Variants in ZNF469 observed in about 807,000 individuals in gnomAD.
ZNF469 encodes zinc finger protein 469.
Under a neutral mutation model 1.0 loss-of-function variants are expected in ZNF469, and 1 was observed. The observed-to-expected ratio is 1.00, with a 90% CI of 0.35 to 4.73. ZNF469 has a LOEUF of 4.73. Among genes scored for constraint, ZNF469 ranks in the 30% most tolerant of loss-of-function variants. The pLI, the probability that ZNF469 is intolerant of heterozygous loss-of-function variation, is 0.16. For synonymous variants in ZNF469, 2,703 were observed against 2,363.4 expected, an observed-to-expected ratio of 1.14 and a Z score of -4.17; for missense variants, 6,100 against 5,356.3, an observed-to-expected ratio of 1.14 and a Z score of -4.33.
chr16:88,336,423 CCAA>C, the ZNF469 span, among the ~76,000 whole-genome samples: 3 of 151,496 alleles, frequency 2.0e-5, no homozygotes, highest in Admixed American at 1.3e-4. Context: ...CACTAACATG[CCAA>C]CATCACACAC....
chr16:88,371,489 G>T, the ZNF469 span, among the ~76,000 whole-genome samples: 1 of 152,192 alleles, frequency 6.6e-6, no homozygotes, highest in Non-Finnish European at 1.5e-5. Flanking sequence ...TGTGACAGAT[G>T]GGAAAACCAA....
the ZNF469 span, among the ~76,000 whole-genome samples, chr16:88,137,646 T>C: frequency 1 from 151,889 of 152,338 alleles, 75,722 homozygotes; most frequent in Middle Eastern, 1. Flanking sequence ...CAGCTATGTA[T>C]GCATACCACC....
At chr16:88,340,760 G>A in the ZNF469 span, among the ~76,000 whole-genome samples, 13 of 142,690 alleles carry the variant, frequency 9.1e-5, 1 homozygote, top group South Asian at 3.3e-3. Context: ...GGGAGGGTGG[G>A]TCAGAGGGGA....
At chr16:88,169,312 T>C in the ZNF469 span, among the ~76,000 whole-genome samples, 1 of 152,206 alleles carries the variant, frequency 6.6e-6, no homozygotes, top group Non-Finnish European at 1.5e-5. This position sits in a 1 kb window ranked among gnomAD's most constrained non-coding sequence, Gnocchi z 6.1. Context: ...ATGTGTACAG[T>C]TGTGTGACCA....
the ZNF469 span, among the ~76,000 whole-genome samples, chr16:88,253,950 C>A: frequency 6.8e-6 from 1 of 146,006 alleles, no homozygotes; most frequent in Non-Finnish European, 1.5e-5. Flanking sequence ...ATATTTTCTC[C>A]TAGTCTGTAG....
At chr16:88,211,182 T>G in the ZNF469 span, among the ~76,000 whole-genome samples, 1 of 152,298 alleles carries the variant, frequency 6.6e-6, no homozygotes. Context: ...ATGGAGGTTT[T>G]CGACCATTAG....
chr16:88,186,046 G>C, the ZNF469 span, among the ~76,000 whole-genome samples: 1 of 152,234 alleles, frequency 6.6e-6, no homozygotes, highest in Non-Finnish European at 1.5e-5. Context: ...TTGTCCTGGG[G>C]ACGAGTCAAG....
chr16:88,135,106 G>T, the ZNF469 span, among the ~76,000 whole-genome samples: 2 of 152,254 alleles, frequency 1.3e-5, no homozygotes, highest in African/African-American at 2.4e-5. Context: ...CACCTGGGAA[G>T]AATGGGCACT....
At chr16:88,277,848 T>C in the ZNF469 span, among the ~76,000 whole-genome samples, 1 of 23,900 alleles carries the variant, frequency 4.2e-5, no homozygotes, top group African/African-American at 1.0e-4. Context: ...ATCAGTGCAG[T>C]TAGTGCTGTG....
chr16:88,378,997 A>G (rs1367280988), upstream of ZNF469, among the ~76,000 whole-genome samples: 1 of 152,174 alleles, frequency 6.6e-6, no homozygotes, highest in African/African-American at 2.4e-5. Context: ...ACGGGTGTCC[A>G]CACACCCAGG....
the ZNF469 span, among the ~76,000 whole-genome samples, chr16:88,290,593 G>A: frequency 6.6e-6 from 1 of 152,188 alleles, no homozygotes; most frequent in Non-Finnish European, 1.5e-5. Flanking sequence ...AATGTTGAGA[G>A]TCTGAACAAT....
chr16:88,256,500 A>C, the ZNF469 span, among the ~76,000 whole-genome samples: 2 of 152,270 alleles, frequency 1.3e-5, no homozygotes, highest in African/African-American at 4.8e-5. Flanking sequence ...CAGTGAATAA[A>C]GCTGCTATAA....
chr16:88,163,510 ATGG>A, the ZNF469 span, among the ~76,000 whole-genome samples: 1 of 119,676 alleles, frequency 8.4e-6, no homozygotes, highest in East Asian at 2.3e-4. Flanking sequence ...GGATGGATGG[ATGG>A]ATGGATGGAT....
At chr16:88,344,772 C>T in the ZNF469 span, among the ~76,000 whole-genome samples, 5 of 152,176 alleles carry the variant, frequency 3.3e-5, no homozygotes, top group Middle Eastern at 3.2e-3. Flanking sequence ...TGGGAGGGGC[C>T]GCTATGGGTG....
At chr16:88,120,407 G>A in the ZNF469 span, among the ~76,000 whole-genome samples, 5 of 152,392 alleles carry the variant, frequency 3.3e-5, no homozygotes, top group African/African-American at 9.6e-5. Flanking sequence ...ATGTCATCGG[G>A]CCGGCGGGAC....
chr16:88,133,518 G>C, the ZNF469 span, among the ~76,000 whole-genome samples: 1 of 152,094 alleles, frequency 6.6e-6, no homozygotes, highest in Non-Finnish European at 1.5e-5. Context: ...ATTTAATAAT[G>C]TATGTATTAA....
Position 88,433,691 on chromosome 16 carries a change from A to G in ZNF469, c.6221A>G (p.His2074Arg). 6.5e-7 allele frequency: 1 copy of G among 1,549,524 alleles called. No individual in the cohort carries two copies. Among genetic ancestry groups the G allele is most frequent in the Non-Finnish European group, 8.7e-7 (1 of 1,146,688 alleles). Residue 2074 changes from histidine to arginine, a missense_variant, in exon 3 of 3, where the codon CAC becomes CGC. Coordinates refer to ENST00000565624, the MANE Select transcript of ZNF469 (RefSeq NM_001367624.2). ...CTGGCGCTGGCCTTGACAGCAGCCCACAGCCGAAGTGGATCTGAGGGCCGG... is the reference window on the plus strand; with the variant it reads ...CTGGCGCTGGCCTTGACAGCAGCCCGCAGCCGAAGTGGATCTGAGGGCCGG... ...ESLALALTAAHSRSGSEGRTP... is the reference protein window; with the variant it reads ...ESLALALTAARSRSGSEGRTP...
At chr16:88,130,901 G>T in the ZNF469 span, among the ~76,000 whole-genome samples, 1 of 152,180 alleles carries the variant, frequency 6.6e-6, no homozygotes, top group African/African-American at 2.4e-5. Flanking sequence ...GGGGTGTGAA[G>T]TGGCCGCGGG....
chr16:88,215,641 C>T, the ZNF469 span, among the ~76,000 whole-genome samples: 6 of 151,962 alleles, frequency 3.9e-5, no homozygotes, highest in African/African-American at 1.2e-4. Context: ...CTGCCCACCT[C>T]GGCCTCCCAA....
Sources: allele counts gnomAD v4.1 joint callset (sites outside exome capture counted in the v4.1 genomes callset), GRCh38; gene constraint gnomAD v4.1.1; non-coding constraint Gnocchi (gnomAD v3.1); transcripts MANE v1.5; gene names NCBI Gene and HGNC (gene_info 2026-07-23, HGNC 2026-07-21).